Variants in COX7A1 observed in about 807,000 individuals in gnomAD.
COX7A1 encodes the protein cytochrome c oxidase subunit 7A1, mitochondrial.
Under a neutral mutation model 13.2 loss-of-function variants are expected in COX7A1, and 21 were observed. That is an observed-to-expected ratio of 1.59 (90% CI 1.13 to 2.29). The LOEUF (loss-of-function observed/expected upper bound fraction) is 2.29, where lower values mean the gene tolerates loss of function less well. COX7A1 is among the 30% of genes most tolerant of loss of function. The pLI, the probability that COX7A1 is intolerant of heterozygous loss-of-function variation, is 0.00. For synonymous variants in COX7A1, 41 were observed against 41.9 expected (o/e 0.98, Z 0.08); for missense variants, 107 against 100.0 (o/e 1.07, Z -0.30).
At chr19:36,151,580 C>T in intron 2 of COX7A1, 34 bp from the exon 3 acceptor site, 2 of 1,613,190 alleles carry the variant, frequency 1.2e-6, no homozygotes, top group Non-Finnish European at 1.7e-6. Context: ...GAAAGGGGTG[C>T]TGGCTGCTCC....
chr19:36,151,934 C>T, intron 1 of COX7A1, 179 bp from the exon 2 acceptor site: 1 of 732,726 alleles, frequency 1.4e-6, no homozygotes, highest in Non-Finnish European at 2.5e-6. Flanking sequence ...TGGGAGGGGA[C>T]TCGCCCTGGA....
chr19:36,151,079 C>A (rs770636734), intron 3 of COX7A1, 45 bp from the exon 4 acceptor site: 34 of 1,584,318 alleles, frequency 2.1e-5, no homozygotes, highest in Admixed American at 1.1e-4. Context: ...CTAATCCCCT[C>A]CCTGGACATC....
chr19:36,151,647 CCCACCCCCCCCGA>C lies in COX7A1; in HGVS notation c.102+9_102+21del. 1 of 1,352,750 alleles carries C rather than the reference CCCACCCCCCCCGA, an allele frequency of 7.4e-7. No homozygotes were observed. The highest frequency in any genetic ancestry group is 1.0e-6 in the Non-Finnish European group (1 of 986,726). The allele number at this position is 1,352,750 out of a possible 1,614,324, so 83.8% of individuals were successfully genotyped here. On this transcript the variant is annotated intron_variant, in intron 2 of 3. Transcript: ENST00000292907. ...GCGCTCCCGGCTGGCGCGTCGGATCCCCACCCCCCCCGACCCCCCACCTGGAAGAGCTTCTGTT... is the reference window on the plus strand; with the variant it reads ...GCGCTCCCGGCTGGCGCGTCGGATCCCCCCCCACCTGGAAGAGCTTCTGTT...
chr19:36,152,004 G>C, intron 1 of COX7A1: 1 of 628,622 alleles, frequency 1.6e-6, no homozygotes, highest in Non-Finnish European at 2.9e-6. Context: ...GACCCAGAAG[G>C]ACTTTGTTCT....
Position 36,151,652 on chromosome 19 carries a change from C to T in COX7A1, c.102+17G>A, listed in dbSNP as rs2285598. 1,589 of 1,410,458 alleles carry T rather than the reference C, an allele frequency of 1.1e-3. 37 individuals carry two copies. In the South Asian group the frequency reaches 0.014, roughly 12 times the overall value. 87.4% of individuals were successfully genotyped at this position (1,410,458 alleles called of 1,614,324 possible). A position where few individuals can be genotyped will look rare whatever the true frequency, so the allele number is the denominator to read the frequency against. On this transcript the variant is annotated intron_variant, in intron 2 of 3. Coordinates refer to ENST00000292907, the MANE Select transcript of COX7A1 (RefSeq NM_001864.4). The stretch of plus-strand genomic sequence containing the variant: ...CCCGGCTGGCGCGTCGGATCCCCAC[C>T]CCCCCCGACCCCCCACCTGGAAGAG...
Position 36,151,459 on chromosome 19 carries a change from C to T in COX7A1, c.187+3G>A, listed in dbSNP as rs1236333651. On this transcript the variant is annotated splice_donor_region_variant and intron_variant, in intron 3 of 3. Transcript: ENST00000292907. ...CCGCAGCCCAGACGGGCCCTGCGCT[C>T]ACCGCCCAGACACAGCGTCATTGTC... 1 of 1,614,058 alleles carries T rather than the reference C, an allele frequency of 6.2e-7. No homozygotes were observed. The highest frequency in any genetic ancestry group is 8.5e-7 in the Non-Finnish European group (1 of 1,180,024).
intron 1 of COX7A1, 128 bp from the exon 2 acceptor site, chr19:36,151,883 T>A: frequency 1.1e-6 from 1 of 870,348 alleles, no homozygotes; most frequent in Non-Finnish European, 1.9e-6. Context: ...GCGAGGAGGG[T>A]AATAGCTTGG....
intron 1 of COX7A1, chr19:36,152,051 GT>G (rs1475566446): frequency 1.7e-6 from 1 of 602,688 alleles, no homozygotes; most frequent in African/African-American, 1.9e-5. Flanking sequence ...TTGGGGGAGG[GT>G]TTCCTGGATT....
chr19:36,151,672 GAAGA>G lies in COX7A1; in HGVS notation c.95_98del (p.Leu32ProfsTer11). Reference sequence around the variant, plus strand: ...CCCACCCCCCCCGACCCCCCACCTGGAAGAGCTTCTGTTTCTCGCGCACTCGGTT... The same window carrying G: ...CCCACCCCCCCCGACCCCCCACCTGGGCTTCTGTTTCTCGCGCACTCGGTT... On this transcript the variant is annotated frameshift_variant, in exon 2 of 4. Transcript: ENST00000292907. LOFTEE classifies it high-confidence loss of function. The G allele has an allele frequency of 9.5e-7, 1 of 1,050,428 alleles. No individual in the cohort carries two copies. The highest frequency in any genetic ancestry group is 1.4e-6 in the Non-Finnish European group (1 of 721,548). 65.1% of individuals were successfully genotyped at this position (1,050,428 alleles called of 1,614,324 possible). A position where few individuals can be genotyped will look rare whatever the true frequency, so the allele number is the denominator to read the frequency against.
intron 1 of COX7A1, 87 bp from the exon 2 acceptor site, chr19:36,151,842 G>A (rs1237607793): frequency 2.5e-6 from 3 of 1,177,112 alleles, no homozygotes; most frequent in Non-Finnish European, 3.7e-6. Context: ...TGGACGTGGG[G>A]ACAGCCCCAT....
chr19:36,151,645 T>TCCCCCCCCCCCCCCCCCCCCCCC, intron 2 of COX7A1, 24 bp downstream of exon 2: 1 of 1,387,626 alleles, frequency 7.2e-7, no homozygotes, highest in Non-Finnish European at 9.9e-7. Context: ...GCGCGTCGGA[T>TCCCCCCCCCCCCCCCCCCCCCCC]CCCCACCCCC....
intron 1 of COX7A1, 147 bp downstream of exon 1, chr19:36,152,246 A>C (rs1054507131): frequency 1.2e-5 from 7 of 573,598 alleles, no homozygotes; most frequent in Non-Finnish European, 2.0e-5. Flanking sequence ...ATTGTGGGGG[A>C]AGGGACCCAG....
intron 1 of COX7A1, 147 bp from the exon 2 acceptor site, chr19:36,151,902 A>T (rs1568398942): frequency 1.3e-6 from 1 of 796,230 alleles, no homozygotes. Context: ...GGATTCTGTT[A>T]CCCGCGAACT....
In COX7A1 at chr19:36,151,664, C is replaced by CT. The variant is rs779060338; in HGVS notation, c.102+4_102+5insA. The CT allele has an allele frequency of 2.5e-6, 4 of 1,582,876 alleles. No individual in the cohort carries two copies. The highest frequency in any genetic ancestry group is 2.6e-6 in the Non-Finnish European group (3 of 1,161,278). ...GTCGGATCCCCACCCCCCCCGACCC[C>CT]CCACCTGGAAGAGCTTCTGTTTCTC... On this transcript the variant is annotated splice_donor_region_variant and intron_variant, in intron 2 of 3. Coordinates refer to ENST00000292907, the MANE Select transcript of COX7A1 (RefSeq NM_001864.4).
Position 36,151,656 on chromosome 19 carries a change from C to CTCG in COX7A1, c.102+12_102+13insCGA, listed in dbSNP as rs748684336. 26 of 1,451,556 alleles carry CTCG rather than the reference C, an allele frequency of 1.8e-5. No homozygotes were observed. In the Admixed American group the frequency reaches 5.1e-4, roughly 28 times the overall value. 89.9% of individuals were successfully genotyped at this position (1,451,556 alleles called of 1,614,324 possible). A position where few individuals can be genotyped will look rare whatever the true frequency, so the allele number is the denominator to read the frequency against. ...GCTGGCGCGTCGGATCCCCACCCCC[C>CTCG]CCGACCCCCCACCTGGAAGAGCTTC... is the stretch of plus-strand genomic sequence containing the variant. On this transcript the variant is annotated intron_variant, in intron 2 of 3. Transcript: ENST00000292907.
chr19:36,151,912 T>A, intron 1 of COX7A1, 157 bp from the exon 2 acceptor site: 1 of 771,958 alleles, frequency 1.3e-6, no homozygotes, highest in Non-Finnish European at 2.3e-6. Flanking sequence ...ACCCGCGAAC[T>A]GCCAGCTGGG....
intron 1 of COX7A1, among the ~76,000 whole-genome samples, chr19:36,152,179 G>C (rs1974783967): frequency 6.6e-6 from 1 of 152,186 alleles, no homozygotes; most frequent in African/African-American, 2.4e-5. Context: ...GAGATGTCAA[G>C]TTCAAACCCG....
rs766444144 is a variant in COX7A1 at position 36,152,373 on chromosome 19, C to T, written c.15+20G>A. The T allele has an allele frequency of 7.4e-7, 1 of 1,342,918 alleles. No homozygotes were observed. The highest frequency in any genetic ancestry group is 2.9e-5 in the East Asian group (1 of 34,434). 83.2% of individuals were successfully genotyped at this position (1,342,918 alleles called of 1,614,324 possible). ...GGTTTTCTGGGTGGGGGGCTCCGGCCCAGCCCATGGGGGCCTCACCCGAAG... is the reference window on the plus strand; with the variant it reads ...GGTTTTCTGGGTGGGGGGCTCCGGCTCAGCCCATGGGGGCCTCACCCGAAG... On this transcript the variant is annotated intron_variant, in intron 1 of 3. Transcript: ENST00000292907.
At chr19:36,151,645 T>TTCGCCCC in intron 2 of COX7A1, 24 bp downstream of exon 2, 1 of 1,387,632 alleles carries the variant, frequency 7.2e-7, no homozygotes. Flanking sequence ...GCGCGTCGGA[T>TTCGCCCC]CCCCACCCCC....
Sources: gnomAD v4.1 joint callset for allele counts (sites outside exome capture counted in the v4.1 genomes callset) on GRCh38, gnomAD v4.1.1 for gene constraint, MANE v1.5 for transcripts, NCBI Gene and HGNC (gene_info 2026-07-23, HGNC 2026-07-21) for gene names.